The following TMEM26 variants were observed in gnomAD, a reference collection of about 807,000 sequenced individuals.
TMEM26 encodes the protein transmembrane protein 26.
In TMEM26, 38 loss-of-function variants were observed where a neutral mutation model predicts 28.8. The ratio of observed to expected loss-of-function variants is 1.32; its 90% CI spans 1.02 to 1.73. TMEM26 has a LOEUF of 1.73. Ranked by LOEUF, TMEM26 falls within the 40% of genes most tolerant of loss-of-function variation. The probability of loss-of-function intolerance (pLI) is 0.00; values close to 1 mark genes in which losing one functional copy is unlikely to be tolerated. For missense variants in TMEM26, 518 were observed against 447.1 expected, an observed-to-expected ratio of 1.16 and a Z score of -1.43; for synonymous variants, 227 against 182.9, an observed-to-expected ratio of 1.24 and a Z score of -1.95.
At chr10:61,430,380 G>T (rs185997818) in intron 3 of TMEM26, among the ~76,000 whole-genome samples, 1 of 152,032 alleles carries the variant, frequency 6.6e-6, no homozygotes, top group Admixed American at 6.6e-5. Flanking sequence ...AAAAGGAAGG[G>T]ATTCTGTTTT....
At chr10:61,452,862 G>A in intron 1 of TMEM26, 29 bp downstream of exon 1, 1 of 1,602,560 alleles carries the variant, frequency 6.2e-7, no homozygotes, top group Non-Finnish European at 8.5e-7. Flanking sequence ...AGGGCCCCGT[G>A]CGCCCTCGCT....
At chr10:61,411,813 G>T (rs16916108) in intron 5 of TMEM26, among the ~76,000 whole-genome samples, 2,818 of 152,262 alleles carry the variant, frequency 0.019, 42 homozygotes, top group South Asian at 0.027. Context: ...TTCAAACAAA[G>T]AATGCCTTCG....
intron 1 of TMEM26, among the ~76,000 whole-genome samples, chr10:61,437,809 C>T (rs1204708319): frequency 6.6e-6 from 1 of 152,042 alleles, no homozygotes; most frequent in Middle Eastern, 3.2e-3. Flanking sequence ...AATAAAAAAA[C>T]AAATTGAACT....
intron 2 of TMEM26, among the ~76,000 whole-genome samples, chr10:61,433,061 A>C (rs771903475): frequency 2.0e-5 from 3 of 152,194 alleles, no homozygotes; most frequent in Non-Finnish European, 4.4e-5. Context: ...CTATGTATTA[A>C]AAATGGCGAC....
At chr10:61,443,658 A>T (rs1468724173) in intron 1 of TMEM26, among the ~76,000 whole-genome samples, 1 of 152,196 alleles carries the variant, frequency 6.6e-6, no homozygotes, top group Non-Finnish European at 1.5e-5. Flanking sequence ...TAAAGAGAAG[A>T]TACTACTGAA....
At chr10:61,429,426 T>C (rs1327305709) in intron 3 of TMEM26, among the ~76,000 whole-genome samples, 1 of 152,094 alleles carries the variant, frequency 6.6e-6, no homozygotes, top group East Asian at 1.9e-4. Flanking sequence ...AAAGAACCAA[T>C]TTTACAATGT....
At chr10:61,421,275 A>G (rs1839742758) in intron 4 of TMEM26, among the ~76,000 whole-genome samples, 1 of 152,150 alleles carries the variant, frequency 6.6e-6, no homozygotes, top group Admixed American at 6.6e-5. Context: ...CCAAGAAAAC[A>G]AAAGAGTAGA....
rs139653312 is a variant in TMEM26 at position 61,431,219 on chromosome 10, C to T, written c.384G>A (p.Thr128=). 1.0e-3 allele frequency: 1,685 copies of T among 1,609,840 alleles called. 1 individual carries two copies. Among genetic ancestry groups the T allele is most frequent in the East Asian group, 2.3e-3 (101 of 44,778 alleles). Residue 128 remains threonine (T), a splice_region_variant and synonymous_variant, in exon 3 of 6, where the codon ACG becomes ACA. Coordinates refer to ENST00000399298, the MANE Select transcript of TMEM26 (RefSeq NM_178505.8). ...QTSRADDLIE[T]AKVFVNNLST... is the part of the protein sequence containing the mutation. ...TAATAAACAGTGGAAAAGCTCTCAC[C>T]GTCTCAATGAGATCATCAGCTCTAC...
chr10:61,448,697 A>G (rs946211994), intron 1 of TMEM26, among the ~76,000 whole-genome samples: 1 of 151,774 alleles, frequency 6.6e-6, no homozygotes, highest in Admixed American at 6.6e-5. Flanking sequence ...CAATTCAAAA[A>G]TACTTGTCTG....
At position 61,453,213 on chromosome 10, in the gene TMEM26, C is replaced by T; in HGVS notation, c.-132G>A. 1 of 914,348 alleles carries T rather than the reference C, an allele frequency of 1.1e-6. No individual in the cohort carries two copies. The highest frequency in any genetic ancestry group is 1.6e-6 in the Non-Finnish European group (1 of 617,472). The allele number at this position is 914,348 out of a possible 1,614,324, so 56.6% of individuals were successfully genotyped here. Reference sequence around the variant, plus strand: ...GCTGCTGCTTGTGGTCCCTTCTCACCCTCAGCGCCCGATGCCGGTAGAACT... The same window carrying T: ...GCTGCTGCTTGTGGTCCCTTCTCACTCTCAGCGCCCGATGCCGGTAGAACT... On this transcript the variant is annotated 5_prime_UTR_variant, in exon 1 of 6. Coordinates refer to ENST00000399298, the MANE Select transcript of TMEM26 (RefSeq NM_178505.8).
intron 4 of TMEM26, chr10:61,416,069 A>G (rs762648791): frequency 8.9e-6 from 4 of 450,242 alleles, no homozygotes; most frequent in Non-Finnish European, 1.8e-5. Context: ...AAAATAGAAC[A>G]AGTTGCCACT....
chr10:61,431,474 G>A (rs184438825), intron 2 of TMEM26, 142 bp from the exon 3 acceptor site: 694 of 539,360 alleles, frequency 1.3e-3, no homozygotes, highest in Non-Finnish European at 1.9e-3. Context: ...TCCAAAAATC[G>A]GAATATAGGC....
At chr10:61,433,587 C>T (rs1307882530) in intron 2 of TMEM26, among the ~76,000 whole-genome samples, 1 of 152,064 alleles carries the variant, frequency 6.6e-6, no homozygotes, top group Non-Finnish European at 1.5e-5. Context: ...ACGTTTTGTT[C>T]CCATACATGT....
intron 4 of TMEM26, among the ~76,000 whole-genome samples, chr10:61,425,169 A>G (rs1203359786): frequency 6.6e-6 from 1 of 152,138 alleles, no homozygotes; most frequent in East Asian, 1.9e-4. Flanking sequence ...TGTGCAGGGA[A>G]ACCTCCGTTT....
At chr10:61,417,718 T>C (rs923046784) in intron 4 of TMEM26, among the ~76,000 whole-genome samples, 1 of 152,030 alleles carries the variant, frequency 6.6e-6, no homozygotes, top group Non-Finnish European at 1.5e-5. Context: ...TAGTACATGA[T>C]CTATTAATAT....
chr10:61,418,758 A>AAATTT (rs1185882968), intron 4 of TMEM26, among the ~76,000 whole-genome samples: 1 of 152,078 alleles, frequency 6.6e-6, no homozygotes, highest in African/African-American at 2.4e-5. Flanking sequence ...AACTAACTTT[A>AAATTT]AATTTAATAG....
chr10:61,450,415 T>C (rs1284137758), intron 1 of TMEM26, among the ~76,000 whole-genome samples: 1 of 152,188 alleles, frequency 6.6e-6, no homozygotes, highest in Non-Finnish European at 1.5e-5. Context: ...TAACATATTA[T>C]TTCAAGGATA....
rs201641949 is a variant in TMEM26, at chr10:61,436,211, C to T, written c.229G>A (p.Val77Ile). The T allele has an allele frequency of 1.4e-3, 2,207 of 1,606,036 alleles. 9 individuals carry two copies. Among genetic ancestry groups the T allele is most frequent in the Non-Finnish European group, 1.8e-3 (2,118 of 1,176,768 alleles). Residue 77 changes from valine to isoleucine, a missense_variant, in exon 2 of 6, where the codon GTT (valine) becomes ATT (isoleucine). By Grantham distance (29) the Val-to-Ile change is conservative. Transcript: ENST00000399298. ...AATTCAAGAAGCCATAATGATGGAA[C>T]GATGCTAATCAGATATAAAAATATG... ...PAIFLYLISIVPSLWLLELHH... is the reference protein window; with the variant it reads ...PAIFLYLISIIPSLWLLELHH...
At chr10:61,426,598 G>A (rs1382830149) in intron 4 of TMEM26, among the ~76,000 whole-genome samples, 1 of 152,050 alleles carries the variant, frequency 6.6e-6, no homozygotes, top group African/African-American at 2.4e-5. Context: ...ACATTTTTGT[G>A]ATGTAGATAT....
Sources: gnomAD v4.1 joint callset for allele counts (sites outside exome capture counted in the v4.1 genomes callset) on GRCh38, gnomAD v4.1.1 for gene constraint, MANE v1.5 for transcripts, NCBI Gene and HGNC (gene_info 2026-07-23, HGNC 2026-07-21) for gene names.